DPY19L2: variants seen among roughly 807,000 people sequenced by gnomAD.
The protein encoded by DPY19L2 is dpy-19 like 2.
DPY19L2 carries 34 observed loss-of-function variants against 97.9 expected under a neutral mutation model. The observed-to-expected ratio is 0.35, with a 90% CI of 0.26 to 0.46. DPY19L2 has a LOEUF of 0.46. DPY19L2 is among the 20% of genes least tolerant of loss of function. The pLI is 1.00. For synonymous variants in DPY19L2, 230 were observed against 307.9 expected (o/e 0.75, Z 2.65); for missense variants, 623 against 911.4 (o/e 0.68, Z 4.07).
intron 3 of DPY19L2, among the ~76,000 whole-genome samples, chr12:63,662,201 C>A (rs1047243618): frequency 6.6e-6 from 1 of 152,116 alleles, no homozygotes; most frequent in African/African-American, 2.4e-5. Flanking sequence ...AATTCCCCAA[C>A]ACAATTTCTT....
At chr12:63,617,422 T>A (rs748679432) in intron 10 of DPY19L2, 32 bp from the exon 11 acceptor site, 30 of 1,444,298 alleles carry the variant, frequency 2.1e-5, no homozygotes, top group Non-Finnish European at 2.6e-5. Context: ...CATTTTATGG[T>A]TATTACATAT....
chr12:63,607,678 C>T (rs1349160078), intron 12 of DPY19L2, among the ~76,000 whole-genome samples: 1 of 152,142 alleles, frequency 6.6e-6, no homozygotes, highest in African/African-American at 2.4e-5. Context: ...TCTTCTGTCA[C>T]CCAGGGTGGA....
chr12:63,656,999 C>A (rs1290845821), intron 4 of DPY19L2, among the ~76,000 whole-genome samples: 6 of 152,144 alleles, frequency 3.9e-5, no homozygotes, highest in African/African-American at 1.4e-4. Context: ...GTTCCAATAT[C>A]TGTATCTTCT....
chr12:63,560,809 T>G (rs1876346352), intron 21 of DPY19L2, 147 bp from the exon 22 acceptor site: 1 of 1,243,830 alleles, frequency 8.0e-7, no homozygotes, highest in Middle Eastern at 2.7e-4. Flanking sequence ...TTTCAATGTT[T>G]AGAAATTTAA....
At chr12:63,620,099 T>C in intron 9 of DPY19L2, 1 of 364,944 alleles carries the variant, frequency 2.7e-6, no homozygotes, top group Non-Finnish European at 5.4e-6. Flanking sequence ...ATTATTATTA[T>C]CATCAGCATT....
chr12:63,594,652 C>CGTG lies in DPY19L2; in HGVS notation c.1534-520_1534-519insCAC, dbSNP rs1565735301. On this transcript the variant is annotated intron_variant, in intron 15 of 21. Transcript: ENST00000324472. ...GCTGCAGGGACGTGTGTGTGCGTGTCTGTGTGTGTGTGTGTGTGTATGCAC... is the reference window on the plus strand; with the variant it reads ...GCTGCAGGGACGTGTGTGTGCGTGTCGTGTGTGTGTGTGTGTGTGTGTATGCAC... 2.9e-3 allele frequency among the ~76,000 whole-genome samples: 329 copies of CGTG among 111,910 alleles called. 1 individual carries two copies. Among genetic ancestry groups the CGTG allele is most frequent in the African/African-American group, 0.013 (300 of 22,386 alleles). 73.4% of individuals were successfully genotyped at this position (111,910 alleles called of 152,430 possible).
rs182827702 is a variant in DPY19L2 at position 63,617,051 on chromosome 12, A to G, written c.1218+253T>C. On this transcript the variant is annotated intron_variant, in intron 11 of 21. Coordinates refer to ENST00000324472, the MANE Select transcript of DPY19L2 (RefSeq NM_173812.5). ...GAAGTCATTTTTATCATAAAATGGG[A>G]TATGATTAAAGTAAGTCTTATTACT... 2.5e-3 allele frequency among the ~76,000 whole-genome samples: 387 copies of G among 152,262 alleles called. 2 individuals are homozygous for G. The highest frequency in any genetic ancestry group is 8.0e-3 in the African/African-American group (331 of 41,556).
intron 6 of DPY19L2, among the ~76,000 whole-genome samples, chr12:63,637,505 C>T (rs1453661997): frequency 1.3e-5 from 2 of 151,848 alleles, no homozygotes; most frequent in Non-Finnish European, 2.9e-5. Flanking sequence ...ATCAAATAGA[C>T]ACAATAAAAA....
chr12:63,599,550 A>C (rs1017305704), intron 13 of DPY19L2, among the ~76,000 whole-genome samples: 1 of 152,152 alleles, frequency 6.6e-6, no homozygotes, highest in African/African-American at 2.4e-5. Flanking sequence ...GCCAAAGTAC[A>C]TAATTTCAGC....
At chr12:63,588,745 CTT>C (rs913709153) in intron 16 of DPY19L2, among the ~76,000 whole-genome samples, 3,799 of 129,848 alleles carry the variant, frequency 0.029, 27 homozygotes, top group African/African-American at 0.056. Context: ...AGGAAACTTT[CTT>C]TTTTTTTTTT....
chr12:63,626,907 T>C (rs139744629), intron 6 of DPY19L2, among the ~76,000 whole-genome samples: 2,475 of 152,172 alleles, frequency 0.016, 73 homozygotes, highest in African/African-American at 0.056. Context: ...GGCTCCCAAG[T>C]AGCTCGGATT....
intron 3 of DPY19L2, among the ~76,000 whole-genome samples, chr12:63,661,751 TA>T (rs1285318223): frequency 2.0e-5 from 3 of 152,246 alleles, no homozygotes; most frequent in Admixed American, 6.5e-5. Flanking sequence ...AATAATGTCT[TA>T]AAATGTGTAG....
chr12:63,662,789 A>C (rs1198800225), intron 3 of DPY19L2, among the ~76,000 whole-genome samples: 2 of 152,214 alleles, frequency 1.3e-5, no homozygotes, highest in Non-Finnish European at 2.9e-5. Flanking sequence ...TAAAAAGTTC[A>C]AATGTCATAC....
chr12:63,621,514 T>C (rs1647203925), intron 8 of DPY19L2, among the ~76,000 whole-genome samples, 177 bp from the exon 9 acceptor site: 1 of 152,190 alleles, frequency 6.6e-6, no homozygotes, highest in Admixed American at 6.5e-5. Flanking sequence ...CTTCATTCCT[T>C]GCATGAAGCA....
At position 63,639,257 on chromosome 12, in the gene DPY19L2, G is replaced by A. The variant is rs188342136; in HGVS notation, c.803+5146C>T. Among the ~76,000 whole-genome samples, 642 of 152,144 alleles carry A rather than the reference G, an allele frequency of 4.2e-3. 11 individuals carry two copies. The highest frequency in any genetic ancestry group is 0.015 in the African/African-American group (605 of 41,510). On this transcript the variant is annotated intron_variant, in intron 6 of 21. Transcript: ENST00000324472. ...ACCTAAAACCATAAAAACCCTAGAA[G>A]AAAACCTAGGCCATTCAGGACATAG...
intron 12 of DPY19L2, among the ~76,000 whole-genome samples, chr12:63,601,910 A>C (rs1284882117): frequency 2.0e-5 from 3 of 152,180 alleles, no homozygotes; most frequent in Admixed American, 6.5e-5. Context: ...GAAAAAAATC[A>C]CACTATGCTA....
chr12:63,589,174 C>T (rs991611058), intron 16 of DPY19L2, among the ~76,000 whole-genome samples: 1 of 151,806 alleles, frequency 6.6e-6, no homozygotes, highest in Non-Finnish European at 1.5e-5. Flanking sequence ...AGCCCATCAT[C>T]ACTGCAATTC....
intron 11 of DPY19L2, among the ~76,000 whole-genome samples, chr12:63,617,073 T>A (rs1258838244): frequency 6.6e-6 from 1 of 152,190 alleles, no homozygotes; most frequent in Non-Finnish European, 1.5e-5. Context: ...TAAGTCTTAT[T>A]ACTTTATGAT....
At chr12:63,622,320 G>T (rs540300309) in intron 8 of DPY19L2, among the ~76,000 whole-genome samples, 46 of 152,238 alleles carry the variant, frequency 3.0e-4, no homozygotes, top group South Asian at 6.2e-4. Context: ...ATAGCAAGGG[G>T]TGATGAAGAA....
Sources: gnomAD v4.1 joint callset for allele counts (sites outside exome capture counted in the v4.1 genomes callset) on GRCh38, gnomAD v4.1.1 for gene constraint, MANE v1.5 for transcripts, NCBI Gene and HGNC (gene_info 2026-07-23, HGNC 2026-07-21) for gene names.